Variants in PTPRD observed in about 807,000 individuals in gnomAD.
PTPRD encodes receptor-type tyrosine-protein phosphatase delta.
A neutral mutation model predicts 214.5 loss-of-function variants in PTPRD; 34 were observed. The observed-to-expected ratio is 0.16, with a 90% CI of 0.12 to 0.21. The LOEUF (loss-of-function observed/expected upper bound fraction) is 0.21, where lower values mean the gene tolerates loss of function less well. Among genes scored for constraint, PTPRD ranks in the 10% least tolerant of loss-of-function variants. The probability of loss-of-function intolerance (pLI) is 1.00; values close to 1 mark genes in which losing one functional copy is unlikely to be tolerated. For missense variants in PTPRD, 2,545 were observed against 2,398.7 expected (o/e 1.06, Z -1.27); for synonymous variants, 1,128 against 845.7 (o/e 1.33, Z -5.79).
chr9:9,157,592 C>A (rs1242703451), intron 10 of PTPRD, among the ~76,000 whole-genome samples: 5 of 152,032 alleles, frequency 3.3e-5, no homozygotes, highest in Non-Finnish European at 5.9e-5. Flanking sequence ...CTAAAGAGAC[C>A]AAAAATGAGG....
Position 8,561,456 on chromosome 9 carries a change from G to A in PTPRD, c.353-32677C>T, listed in dbSNP as rs983003678. Among the ~76,000 whole-genome samples the A allele has an allele frequency of 8.9e-4, 136 of 152,276 alleles. 1 individual carries two copies. The highest frequency in any genetic ancestry group is 3.1e-3 in the African/African-American group (130 of 41,568). Reference sequence around the variant, plus strand: ...CTCATTTTTCTTGGACGCAGGATAAGAGCTCAGGAACCCCCAAATGTGAGT... The same window carrying A: ...CTCATTTTTCTTGGACGCAGGATAAAAGCTCAGGAACCCCCAAATGTGAGT... On this transcript the variant is annotated intron_variant, in intron 14 of 45. Transcript: ENST00000381196.
chr9:8,432,317 C>A (rs1359263570), intron 35 of PTPRD, among the ~76,000 whole-genome samples: 1 of 152,200 alleles, frequency 6.6e-6, no homozygotes, highest in Non-Finnish European at 1.5e-5. Flanking sequence ...GATGGGGTTA[C>A]ACTAATTTAT....
At chr9:9,273,671 TAA>T (rs1943841960) in intron 9 of PTPRD, among the ~76,000 whole-genome samples, 2 of 151,344 alleles carry the variant, frequency 1.3e-5, no homozygotes, top group Non-Finnish European at 3.0e-5. Flanking sequence ...TCCATAGAAA[TAA>T]AAAGTTTCCA....
At chr9:8,342,085 T>A (rs1852964634) in intron 39 of PTPRD, 107 bp from the exon 40 acceptor site, 15 of 1,146,482 alleles carry the variant, frequency 1.3e-5, no homozygotes, top group Non-Finnish European at 1.8e-5. Flanking sequence ...ATCCATTACT[T>A]CTACTCAAAT....
intron 12 of PTPRD, among the ~76,000 whole-genome samples, chr9:8,730,753 G>A (rs1455307331): frequency 6.6e-6 from 1 of 152,118 alleles, no homozygotes; most frequent in Non-Finnish European, 1.5e-5. Context: ...TCTTTAATCT[G>A]CATGCATCTT....
chr9:10,482,300 G>A (rs536049371), intron 2 of PTPRD, among the ~76,000 whole-genome samples: 3 of 152,134 alleles, frequency 2.0e-5, no homozygotes, highest in East Asian at 1.9e-4. Context: ...GAACCCGGGA[G>A]GTGGAGCTTA....
chr9:10,002,524 A>C (rs1358060677), intron 4 of PTPRD, among the ~76,000 whole-genome samples: 2 of 151,122 alleles, frequency 1.3e-5, no homozygotes, highest in Admixed American at 6.6e-5. Context: ...ACCAAAAGAA[A>C]ACTAAAGTGT....
At chr9:8,567,898 G>A (rs1318008606) in intron 14 of PTPRD, among the ~76,000 whole-genome samples, 1 of 152,030 alleles carries the variant, frequency 6.6e-6, no homozygotes, top group Non-Finnish European at 1.5e-5. Flanking sequence ...TGTATACTGT[G>A]ACATTTTTGA....
intron 9 of PTPRD, among the ~76,000 whole-genome samples, chr9:9,298,445 G>A (rs1953969794): frequency 3.3e-5 from 5 of 151,580 alleles, no homozygotes; most frequent in Non-Finnish European, 7.4e-5. Flanking sequence ...CATGGCAGAT[G>A]GAATACACTT....
At chr9:8,908,957 T>C (rs1014765588) in intron 11 of PTPRD, among the ~76,000 whole-genome samples, 1 of 149,786 alleles carries the variant, frequency 6.7e-6, no homozygotes, top group Admixed American at 6.7e-5. Flanking sequence ...ATAAATTATA[T>C]ATAATAATTA....
At chr9:10,105,375 T>C (rs755258564) in intron 3 of PTPRD, among the ~76,000 whole-genome samples, 1 of 151,894 alleles carries the variant, frequency 6.6e-6, no homozygotes, top group Non-Finnish European at 1.5e-5. Context: ...TAATTTTTAA[T>C]AAGAATAGTT....
At chr9:10,239,041 A>C (rs1398911065) in intron 3 of PTPRD, among the ~76,000 whole-genome samples, 1 of 151,938 alleles carries the variant, frequency 6.6e-6, no homozygotes, top group Non-Finnish European at 1.5e-5. Flanking sequence ...GGGGAAAAAG[A>C]ATCTGTTTGG....
intron 12 of PTPRD, among the ~76,000 whole-genome samples, chr9:8,689,093 T>C (rs1262156155): frequency 6.6e-6 from 1 of 152,218 alleles, no homozygotes; most frequent in African/African-American, 2.4e-5. Flanking sequence ...GAAATGGAGA[T>C]GTCTAAATCA....
chr9:8,449,016 C>T (rs1263610577), intron 34 of PTPRD, among the ~76,000 whole-genome samples: 2 of 152,138 alleles, frequency 1.3e-5, no homozygotes, highest in African/African-American at 4.8e-5. Context: ...TATAAACATG[C>T]TTTAGTTGAA....
At chr9:10,538,595 T>C (rs534339565) in intron 2 of PTPRD, among the ~76,000 whole-genome samples, 1 of 152,270 alleles carries the variant, frequency 6.6e-6, no homozygotes, top group South Asian at 2.1e-4. Context: ...CTATAAATTA[T>C]ATAAGACAGG....
chr9:9,991,005 G>A (rs188193074), intron 4 of PTPRD, among the ~76,000 whole-genome samples: 2 of 151,204 alleles, frequency 1.3e-5, no homozygotes, highest in African/African-American at 2.4e-5. Flanking sequence ...CGTGATCTCG[G>A]CTCACAACAA....
chr9:9,441,617 A>T (rs910946291), intron 8 of PTPRD, among the ~76,000 whole-genome samples: 1 of 152,180 alleles, frequency 6.6e-6, no homozygotes, highest in Non-Finnish European at 1.5e-5. Flanking sequence ...CCATGGAGAC[A>T]TATCTGCCAG....
intron 7 of PTPRD, among the ~76,000 whole-genome samples, chr9:9,640,333 A>C (rs1426929224): frequency 6.6e-6 from 1 of 152,208 alleles, no homozygotes; most frequent in East Asian, 1.9e-4. Flanking sequence ...TAAGATCCTA[A>C]GTCTGGTGTA....
chr9:8,613,125 G>C (rs1005659642), intron 14 of PTPRD, among the ~76,000 whole-genome samples: 1 of 152,100 alleles, frequency 6.6e-6, no homozygotes, highest in African/African-American at 2.4e-5. Flanking sequence ...CTGGGCAAAG[G>C]GTAGGATGTC....
Sources: allele counts gnomAD v4.1 joint callset (sites outside exome capture counted in the v4.1 genomes callset), GRCh38; gene constraint gnomAD v4.1.1; transcripts MANE v1.5; gene names NCBI Gene and HGNC (gene_info 2026-07-23, HGNC 2026-07-21).